Variants in VEGFC observed in about 807,000 individuals in gnomAD.
The protein encoded by VEGFC is vascular endothelial growth factor C.
A neutral mutation model predicts 46.1 loss-of-function variants in VEGFC; 12 were observed. That is an observed-to-expected ratio of 0.26 (90% confidence interval 0.17 to 0.42). The LOEUF is 0.42. Ranked by LOEUF, VEGFC falls within the 10% of genes least tolerant of loss-of-function variation. VEGFC has a pLI of 1.00. For missense variants in VEGFC, 488 were observed against 529.4 expected (o/e 0.92, Z 0.77); for synonymous variants, 232 against 195.5 (o/e 1.19, Z -1.56).
chr4:176,697,685 C>T (rs1315368980), intron 4 of VEGFC, among the ~76,000 whole-genome samples: 72 of 150,782 alleles, frequency 4.8e-4, no homozygotes, highest in African/African-American at 1.5e-3. Context: ...CACATGCACA[C>T]GTATGTTTAT....
intron 1 of VEGFC, among the ~76,000 whole-genome samples, chr4:176,735,870 T>C (rs1280603970): frequency 6.6e-6 from 1 of 151,952 alleles, no homozygotes; most frequent in Non-Finnish European, 1.5e-5. Flanking sequence ...TTATATAAAA[T>C]TGTTTCCTGT....
chr4:176,742,953 C>T (rs529430968), intron 1 of VEGFC, among the ~76,000 whole-genome samples: 19 of 152,026 alleles, frequency 1.2e-4, no homozygotes, highest in African/African-American at 3.1e-4. Context: ...TCTGATATTA[C>T]GGAAATATTA....
chr4:176,698,727 C>T (rs1202016830), intron 4 of VEGFC, among the ~76,000 whole-genome samples: 1 of 152,054 alleles, frequency 6.6e-6, no homozygotes, highest in Non-Finnish European at 1.5e-5. Flanking sequence ...CCCCCACCCC[C>T]AAGACCGTGG....
chr4:176,717,846 G>A (rs903420749), intron 3 of VEGFC, among the ~76,000 whole-genome samples: 1 of 152,094 alleles, frequency 6.6e-6, no homozygotes, highest in Non-Finnish European at 1.5e-5. Context: ...ATGGGAAAAG[G>A]TCTTAGCATT....
chr4:176,784,954 T>C (rs1735977708), intron 1 of VEGFC, among the ~76,000 whole-genome samples: 2 of 152,060 alleles, frequency 1.3e-5, no homozygotes, highest in South Asian at 2.1e-4. Flanking sequence ...GGCATGTCCA[T>C]ACCCTGTGCT....
Position 176,687,273 on chromosome 4 carries a change from T to C in VEGFC, c.1059A>G (p.Leu353=). The C allele has an allele frequency of 6.2e-7, 1 of 1,614,188 alleles. No homozygotes were observed. Among genetic ancestry groups the C allele is most frequent in the Non-Finnish European group, 8.5e-7 (1 of 1,180,028 alleles). The change falls in exon 6 of 7, where the codon CTA becomes CTG. Residue 353 remains leucine (L), a synonymous_variant. Transcript: ENST00000618562. Reference sequence around the variant, plus strand: ...ATTCACAGGCACATTTTCCAGGATTTAGGGGTTGATTTCTGGGGCAGGTTC... The same window carrying C: ...ATTCACAGGCACATTTTCCAGGATTCAGGGGTTGATTTCTGGGGCAGGTTC... ...CKRTCPRNQP[L]NPGKCACECT... is the part of the protein sequence containing the mutation.
intron 1 of VEGFC, among the ~76,000 whole-genome samples, chr4:176,749,360 A>G (rs1735305416): frequency 1.3e-5 from 2 of 151,982 alleles, no homozygotes; most frequent in African/African-American, 4.8e-5. Flanking sequence ...TCAATTTGAG[A>G]TTATTTATTC....
At chr4:176,724,946 G>A (rs1224264705) in intron 3 of VEGFC, among the ~76,000 whole-genome samples, 1 of 152,116 alleles carries the variant, frequency 6.6e-6, no homozygotes, top group African/African-American at 2.4e-5. Flanking sequence ...AGAGAGGATG[G>A]TTGAGGGGTA....
At chr4:176,726,203 A>G (rs1734871078) in intron 3 of VEGFC, among the ~76,000 whole-genome samples, 1 of 152,152 alleles carries the variant, frequency 6.6e-6, no homozygotes, top group South Asian at 2.1e-4. Flanking sequence ...AAATATTGTC[A>G]TGTTCCTACA....
intron 1 of VEGFC, among the ~76,000 whole-genome samples, chr4:176,737,201 T>C (rs973553713): frequency 4.7e-5 from 7 of 148,880 alleles, no homozygotes; most frequent in Non-Finnish European, 1.0e-4. Context: ...AAGGAGGGAA[T>C]TATATTATAA....
intron 3 of VEGFC, among the ~76,000 whole-genome samples, chr4:176,723,390 C>T (rs191436413): frequency 5.3e-5 from 7 of 132,266 alleles, no homozygotes; most frequent in South Asian, 4.9e-4. Flanking sequence ...TTGTTACATA[C>T]GTAAACTTTT....
At chr4:176,773,251 A>T (rs1395305320) in intron 1 of VEGFC, among the ~76,000 whole-genome samples, 1 of 152,208 alleles carries the variant, frequency 6.6e-6, no homozygotes, top group Non-Finnish European at 1.5e-5. Flanking sequence ...CCAAACTCTA[A>T]AAATGATCAA....
At chr4:176,692,091 C>G (rs983603295) in intron 4 of VEGFC, among the ~76,000 whole-genome samples, 1 of 151,996 alleles carries the variant, frequency 6.6e-6, no homozygotes, top group African/African-American at 2.4e-5. Flanking sequence ...GCTTTTCCGA[C>G]GGGCTTAAAA....
chr4:176,740,231 A>ATATATAGAATATATAT (rs1735141877), intron 1 of VEGFC, among the ~76,000 whole-genome samples: 1 of 116,236 alleles, frequency 8.6e-6, no homozygotes, highest in African/African-American at 3.6e-5. Context: ...AGAATATATA[A>ATATATAGAATATATAT]CTATATATAG....
intron 3 of VEGFC, among the ~76,000 whole-genome samples, chr4:176,725,307 G>T (rs1037052495): frequency 2.0e-4 from 31 of 151,990 alleles, no homozygotes; most frequent in African/African-American, 6.0e-4. Context: ...GCTCTGTGGG[G>T]TTTTTTTGTT....
chr4:176,791,832 T>C (rs1029175312), intron 1 of VEGFC, among the ~76,000 whole-genome samples: 2 of 152,082 alleles, frequency 1.3e-5, no homozygotes, highest in African/African-American at 4.8e-5. Context: ...CCGACCAAAA[T>C]GAACTCATAC....
rs577920181 is a variant in VEGFC, at chr4:176,789,538, T to A, written c.147+2627A>T. 3.5e-3 allele frequency among the ~76,000 whole-genome samples: 539 copies of A among 152,332 alleles called. 3 individuals are homozygous for A. Among genetic ancestry groups the A allele is most frequent in the Non-Finnish European group, 6.4e-3 (438 of 68,028 alleles). On this transcript the variant is annotated intron_variant, in intron 1 of 6. Transcript: ENST00000618562. ...GTAGATGTTGACAAACATAATCATATACTATAAGAAAAATTGTAAATAGAA... is the reference window on the plus strand; with the variant it reads ...GTAGATGTTGACAAACATAATCATAAACTATAAGAAAAATTGTAAATAGAA...
At chr4:176,724,538 G>A (rs1734841876) in intron 3 of VEGFC, among the ~76,000 whole-genome samples, 1 of 152,172 alleles carries the variant, frequency 6.6e-6, no homozygotes, top group African/African-American at 2.4e-5. Context: ...CAAATATTGG[G>A]TCTAATCCAA....
intron 1 of VEGFC, among the ~76,000 whole-genome samples, chr4:176,782,479 A>T (rs1735933560): frequency 6.6e-6 from 1 of 151,658 alleles, no homozygotes; most frequent in South Asian, 2.1e-4. Context: ...AAAAAAAAAA[A>T]AATTTTTAAA....
Sources: gnomAD v4.1 joint callset for allele counts (sites outside exome capture counted in the v4.1 genomes callset) on GRCh38, gnomAD v4.1.1 for gene constraint, MANE v1.5 for transcripts, NCBI Gene and HGNC (gene_info 2026-07-23, HGNC 2026-07-21) for gene names.